Variants in HCN1 observed in about 807,000 individuals in gnomAD.
HCN1 encodes the protein potassium/sodium hyperpolarization-activated cyclic nucleotide-gated channel 1.
A neutral mutation model predicts 78.9 loss-of-function variants in HCN1; 13 were observed. The observed-to-expected ratio is 0.16, with a 90% confidence interval of 0.11 to 0.26. The LOEUF (loss-of-function observed/expected upper bound fraction) is 0.26, where lower values mean the gene tolerates loss of function less well. Ranked by LOEUF, HCN1 falls within the 10% of genes least tolerant of loss-of-function variation. The probability of loss-of-function intolerance (pLI) is 1.00; values close to 1 mark genes in which losing one functional copy is unlikely to be tolerated. For synonymous variants in HCN1, 552 were observed against 455.5 expected (o/e 1.21, Z -2.70); for missense variants, 810 against 1,154.3 (o/e 0.70, Z 4.32).
chr5:45,456,100 C>T (rs914284764), intron 3 of HCN1, among the ~76,000 whole-genome samples: 15 of 151,864 alleles, frequency 9.9e-5, no homozygotes, highest in Admixed American at 4.6e-4. Context: ...GATTGGTTTA[C>T]GCATCTTAAC....
intron 2 of HCN1, among the ~76,000 whole-genome samples, chr5:45,472,367 T>A (rs997177427): frequency 1.3e-5 from 2 of 151,858 alleles, no homozygotes; most frequent in African/African-American, 4.8e-5. Flanking sequence ...TTTAATGCAT[T>A]GCTATAATTA....
At chr5:45,495,951 C>T (rs1579930545) in intron 2 of HCN1, among the ~76,000 whole-genome samples, 1 of 152,204 alleles carries the variant, frequency 6.6e-6, no homozygotes, top group East Asian at 1.9e-4. Flanking sequence ...GGGATGAAGC[C>T]CACTTGATCA....
In HCN1 at chr5:45,667,099, T is replaced by C. The variant is rs145514054; in HGVS notation, c.426-21491A>G. Among the ~76,000 whole-genome samples, 562 of 152,140 alleles carry C rather than the reference T, an allele frequency of 3.7e-3. 3 individuals carry two copies. The highest frequency in any genetic ancestry group is 5.3e-3 in the Admixed American group (81 of 15,260). On this transcript the variant is annotated intron_variant, in intron 1 of 7. Transcript: ENST00000303230. Reference sequence around the variant, plus strand: ...ATAGTAAGAGGAAGAGGAAGAGCCATGGAACTCAGGCTGGGCTCACTGGTC... The same window carrying C: ...ATAGTAAGAGGAAGAGGAAGAGCCACGGAACTCAGGCTGGGCTCACTGGTC...
chr5:45,474,241 T>C (rs1186754983), intron 2 of HCN1, among the ~76,000 whole-genome samples: 1 of 151,850 alleles, frequency 6.6e-6, no homozygotes, highest in Non-Finnish European at 1.5e-5. Context: ...AAAATTATAT[T>C]AATCTCTCTC....
At chr5:45,354,942 G>T (rs986985711) in intron 4 of HCN1, among the ~76,000 whole-genome samples, 1 of 151,998 alleles carries the variant, frequency 6.6e-6, no homozygotes, top group African/African-American at 2.4e-5. Context: ...TGTATGCAAA[G>T]ACCTACTAAT....
intron 1 of HCN1, among the ~76,000 whole-genome samples, chr5:45,677,989 TACAC>T (rs200866112): frequency 1.9e-4 from 18 of 94,170 alleles, no homozygotes; most frequent in Admixed American, 6.2e-4. Context: ...CACACACACA[TACAC>T]ACACACACAC....
intron 5 of HCN1, among the ~76,000 whole-genome samples, chr5:45,310,994 C>A (rs1745841409): frequency 6.6e-6 from 1 of 152,158 alleles, no homozygotes; most frequent in East Asian, 1.9e-4. Flanking sequence ...AGAGGAACAA[C>A]ACATACTGGG....
chr5:45,496,321 T>A (rs1004088086), intron 2 of HCN1, among the ~76,000 whole-genome samples: 11 of 152,008 alleles, frequency 7.2e-5, no homozygotes, highest in African/African-American at 2.7e-4. Flanking sequence ...CTTCCTGGTT[T>A]AGTCTTGGGA....
At chr5:45,679,441 G>A (rs1739660469) in intron 1 of HCN1, among the ~76,000 whole-genome samples, 1 of 151,964 alleles carries the variant, frequency 6.6e-6, no homozygotes, top group Non-Finnish European at 1.5e-5. Context: ...CATTTCAGCA[G>A]GAAATCGTCC....
At chr5:45,276,761 A>G (rs1287163753) in intron 6 of HCN1, among the ~76,000 whole-genome samples, 1 of 152,152 alleles carries the variant, frequency 6.6e-6, no homozygotes, top group Non-Finnish European at 1.5e-5. Context: ...GTAAATTCAA[A>G]TAATATATCA....
chr5:45,568,775 C>T (rs1743767788), intron 2 of HCN1, among the ~76,000 whole-genome samples: 1 of 151,768 alleles, frequency 6.6e-6, no homozygotes, highest in Non-Finnish European at 1.5e-5. Context: ...TTTTAAGTAG[C>T]TTTATTTTAA....
chr5:45,585,541 C>T (rs940861380), intron 2 of HCN1, among the ~76,000 whole-genome samples: 6 of 152,160 alleles, frequency 3.9e-5, no homozygotes, highest in Non-Finnish European at 7.3e-5. Context: ...AGTCATTCTC[C>T]GTCCAGCTTT....
chr5:45,569,178 T>C (rs948951276), intron 2 of HCN1, among the ~76,000 whole-genome samples: 2 of 152,172 alleles, frequency 1.3e-5, no homozygotes, highest in Non-Finnish European at 2.9e-5. Context: ...ATCATACTTC[T>C]ACATGATTGT....
At position 45,255,532 on chromosome 5, in the gene HCN1, T is replaced by A. The variant is rs1744589722; in HGVS notation, c.*6389A>T. The A allele has an allele frequency of 6.6e-6, 1 of 152,180 alleles. No individual in the cohort carries two copies. Among genetic ancestry groups the A allele is most frequent in the Non-Finnish European group, 1.5e-5 (1 of 68,030 alleles). The allele number at this position is 152,180 out of a possible 1,614,324, so 9.4% of individuals were successfully genotyped here. A position where few individuals can be genotyped will look rare whatever the true frequency, so the allele number is the denominator to read the frequency against. On this transcript the variant is annotated 3_prime_UTR_variant, in exon 8 of 8. Coordinates refer to ENST00000303230, the MANE Select transcript of HCN1 (RefSeq NM_021072.4). ...CGCTGCAGTTCCATGCACCACACTT[T>A]CCACAGTGAGGCACGCAAGAACATT...
At chr5:45,682,653 C>A (rs898739319) in intron 1 of HCN1, among the ~76,000 whole-genome samples, 1 of 151,698 alleles carries the variant, frequency 6.6e-6, no homozygotes, top group Non-Finnish European at 1.5e-5. Flanking sequence ...CAAAAAAAAG[C>A]ACCTCATCTT....
intron 2 of HCN1, among the ~76,000 whole-genome samples, chr5:45,597,645 G>T (rs1455183144): frequency 1.3e-5 from 2 of 152,182 alleles, no homozygotes; most frequent in African/African-American, 2.4e-5. Flanking sequence ...GTTTGCAGAT[G>T]ACATGACCGT....
At chr5:45,635,603 T>C (rs985687360) in intron 2 of HCN1, among the ~76,000 whole-genome samples, 6 of 152,084 alleles carry the variant, frequency 3.9e-5, no homozygotes, top group Non-Finnish European at 8.8e-5. Context: ...TAAAAAATGG[T>C]CTAAATGGCA....
chr5:45,648,203 G>T (rs1221484335), intron 1 of HCN1, among the ~76,000 whole-genome samples: 1 of 152,008 alleles, frequency 6.6e-6, no homozygotes, highest in African/African-American at 2.4e-5. Flanking sequence ...GCAACCTAAT[G>T]AAAAATACTC....
At chr5:45,473,844 A>G (rs911849111) in intron 2 of HCN1, among the ~76,000 whole-genome samples, 4 of 151,794 alleles carry the variant, frequency 2.6e-5, no homozygotes, top group South Asian at 2.1e-4. Flanking sequence ...GGCGTTTCCT[A>G]TCTGTCATCT....
Sources: allele counts gnomAD v4.1 joint callset (sites outside exome capture counted in the v4.1 genomes callset), GRCh38; gene constraint gnomAD v4.1.1; transcripts MANE v1.5; gene names NCBI Gene and HGNC (gene_info 2026-07-23, HGNC 2026-07-21).